EYS: variants seen among roughly 807,000 people sequenced by gnomAD.
EYS encodes the protein protein eyes shut homolog.
EYS carries 250 observed loss-of-function variants against 282.1 expected under a neutral mutation model. The ratio of observed to expected loss-of-function variants is 0.89; its 90% CI spans 0.80 to 0.98. The LOEUF is 0.98. Among genes scored for constraint, EYS ranks in the 50% least tolerant of loss-of-function variants. The probability of loss-of-function intolerance (pLI) is 0.00; values close to 1 mark genes in which losing one functional copy is unlikely to be tolerated. For synonymous variants in EYS, 1,355 were observed against 1,282.9 expected (o/e 1.06, Z -1.20); for missense variants, 4,016 against 3,709.0 (o/e 1.08, Z -2.15).
At chr6:64,029,910 C>T (rs1426065162) in intron 33 of EYS, among the ~76,000 whole-genome samples, 1 of 152,218 alleles carries the variant, frequency 6.6e-6, no homozygotes, top group African/African-American at 2.4e-5. Flanking sequence ...GAGGGAGTTC[C>T]TAACCTCTGG....
At chr6:63,798,335 A>G (rs1446043798) in intron 37 of EYS, among the ~76,000 whole-genome samples, 1 of 152,198 alleles carries the variant, frequency 6.6e-6, no homozygotes, top group Non-Finnish European at 1.5e-5. Flanking sequence ...AAAACAGACA[A>G]TTTTGACATT....
intron 29 of EYS, among the ~76,000 whole-genome samples, chr6:64,365,912 A>G (rs1355031954): frequency 6.6e-6 from 1 of 152,070 alleles, no homozygotes. Flanking sequence ...GACTACTGTA[A>G]TCTGCAGAAG....
intron 30 of EYS, among the ~76,000 whole-genome samples, chr6:64,240,620 G>T (rs1284289404): frequency 6.6e-6 from 1 of 152,190 alleles, no homozygotes; most frequent in Non-Finnish European, 1.5e-5. Flanking sequence ...AGACTTTGCT[G>T]AAGTTGCTTA....
At chr6:64,224,233 G>A (rs1582450082) in intron 31 of EYS, among the ~76,000 whole-genome samples, 1 of 151,938 alleles carries the variant, frequency 6.6e-6, no homozygotes, top group Non-Finnish European at 1.5e-5. Context: ...TTATTAGAAA[G>A]CATTAGGGTT....
At chr6:63,938,297 C>T (rs1324360504) in intron 35 of EYS, among the ~76,000 whole-genome samples, 1 of 152,142 alleles carries the variant, frequency 6.6e-6, no homozygotes, top group Non-Finnish European at 1.5e-5. Flanking sequence ...TGCTGCTGCC[C>T]ATGAAATATG....
chr6:64,305,939 G>C (rs1330762365), intron 30 of EYS, among the ~76,000 whole-genome samples: 6 of 152,052 alleles, frequency 3.9e-5, no homozygotes, highest in Non-Finnish European at 8.8e-5. Context: ...AGAGTATAAA[G>C]ACAACTCAGA....
At chr6:63,931,112 T>G (rs1164814376) in intron 35 of EYS, among the ~76,000 whole-genome samples, 1 of 152,176 alleles carries the variant, frequency 6.6e-6, no homozygotes, top group Non-Finnish European at 1.5e-5. Flanking sequence ...GAGATTAGCT[T>G]TTTCTTTTAA....
intron 40 of EYS, among the ~76,000 whole-genome samples, chr6:63,773,989 C>T (rs2149662242): frequency 6.6e-6 from 1 of 152,212 alleles, no homozygotes; most frequent in Non-Finnish European, 1.5e-5. Flanking sequence ...AATCCTGAAT[C>T]AATGAGATTT....
At chr6:65,630,133 G>A (rs1766861000) in intron 2 of EYS, among the ~76,000 whole-genome samples, 1 of 152,180 alleles carries the variant, frequency 6.6e-6, no homozygotes, top group Non-Finnish European at 1.5e-5. Context: ...TTTCAGAATT[G>A]CTGTTGACCA....
At chr6:64,875,839 AGAAAACTAAATATAG>A (rs1167041002) in intron 19 of EYS, among the ~76,000 whole-genome samples, 1 of 152,110 alleles carries the variant, frequency 6.6e-6, no homozygotes, top group African/African-American at 2.4e-5. Flanking sequence ...GTGATGCCCT[AGAAAACTAAATATAG>A]GTGGATAATG....
intron 12 of EYS, among the ~76,000 whole-genome samples, chr6:65,175,176 T>TCAAG (rs1308977699): frequency 6.6e-6 from 1 of 151,214 alleles, no homozygotes; most frequent in Non-Finnish European, 1.5e-5. Flanking sequence ...AAATAGTAGG[T>TCAAG]CAAGAAAAGG....
At chr6:63,953,461 C>T (rs1024346714) in intron 35 of EYS, among the ~76,000 whole-genome samples, 2 of 152,120 alleles carry the variant, frequency 1.3e-5, no homozygotes, top group African/African-American at 4.8e-5. Flanking sequence ...TCTTCCTCAT[C>T]TGTTACGTAT....
At chr6:64,394,254 C>G (rs1239538751) in intron 28 of EYS, among the ~76,000 whole-genome samples, 1 of 152,144 alleles carries the variant, frequency 6.6e-6, no homozygotes, top group African/African-American at 2.4e-5. Context: ...CTACCAATGC[C>G]TTTCTTCACA....
At chr6:65,169,672 T>G (rs1461333810) in intron 12 of EYS, among the ~76,000 whole-genome samples, 4 of 151,556 alleles carry the variant, frequency 2.6e-5, no homozygotes, top group South Asian at 4.1e-4. Flanking sequence ...AATTTTTTTT[T>G]GGGTGAGAGC....
At chr6:64,503,010 T>G (rs1194306426) in intron 26 of EYS, among the ~76,000 whole-genome samples, 1 of 152,328 alleles carries the variant, frequency 6.6e-6, no homozygotes, top group Middle Eastern at 3.4e-3. Flanking sequence ...TTGCCAAATA[T>G]GTTGTTGCCA....
intron 12 of EYS, among the ~76,000 whole-genome samples, chr6:65,138,195 A>G (rs1253252964): frequency 1.3e-5 from 2 of 152,252 alleles, no homozygotes; most frequent in South Asian, 2.1e-4. Context: ...TACTTAAATT[A>G]GGGAAAATAG....
intron 31 of EYS, among the ~76,000 whole-genome samples, chr6:64,119,939 G>A (rs1466909191): frequency 6.6e-6 from 1 of 152,030 alleles, no homozygotes; most frequent in Non-Finnish European, 1.5e-5. Context: ...AATTTACTTT[G>A]AACTTAGTTT....
chr6:64,806,544 T>C (rs933159691), intron 22 of EYS, among the ~76,000 whole-genome samples: 3 of 152,028 alleles, frequency 2.0e-5, no homozygotes, highest in South Asian at 4.1e-4. Flanking sequence ...AACTTGAAAA[T>C]GTCAGGAATC....
chr6:65,586,812 A>G (rs1308331929), intron 2 of EYS, among the ~76,000 whole-genome samples: 1 of 152,084 alleles, frequency 6.6e-6, no homozygotes, highest in Non-Finnish European at 1.5e-5. Flanking sequence ...GCAAGTCTAA[A>G]TCTAGAGCCA....
Sources: allele counts gnomAD v4.1 joint callset (sites outside exome capture counted in the v4.1 genomes callset), GRCh38; gene constraint gnomAD v4.1.1; transcripts MANE v1.5; gene names NCBI Gene and HGNC (gene_info 2026-07-23, HGNC 2026-07-21).